Variants in TSHZ2 observed in about 807,000 individuals in gnomAD.
The protein encoded by TSHZ2 is teashirt zinc finger homeobox 2, also known as teashirt homolog 2.
Under a neutral mutation model 74.4 loss-of-function variants are expected in TSHZ2, and 21 were observed. That is an observed-to-expected ratio of 0.28 (90% CI 0.20 to 0.41). TSHZ2 has a LOEUF of 0.41. TSHZ2 is among the 10% of genes least tolerant of loss of function. The pLI is 1.00. For synonymous variants in TSHZ2, 540 were observed against 515.3 expected (o/e 1.05, Z -0.65); for missense variants, 1,244 against 1,293.5 (o/e 0.96, Z 0.59).
intron 1 of TSHZ2, chr20:53,178,810 C>T (rs1331591575): frequency 2.6e-5 from 4 of 152,178 alleles, no homozygotes; most frequent in Non-Finnish European, 2.9e-5. Flanking sequence ...GTCATAGCAT[C>T]GCCAAATGAT....
At chr20:53,069,152 T>G (rs993937188) in intron 1 of TSHZ2, among the ~76,000 whole-genome samples, 5 of 152,176 alleles carry the variant, frequency 3.3e-5, no homozygotes, top group African/African-American at 1.2e-4. Context: ...TGTCATTCAG[T>G]TGGGTCTGCT....
At chr20:53,001,209 T>TGC (rs1982402267) in intron 1 of TSHZ2, among the ~76,000 whole-genome samples, 1 of 102,566 alleles carries the variant, frequency 9.7e-6, no homozygotes. Context: ...CATGTGCGTG[T>TGC]GTGTGTGTGT....
chr20:53,433,572 CACAGACACACAG>C (rs1983920288), intron 2 of TSHZ2, among the ~76,000 whole-genome samples: 1 of 108,852 alleles, frequency 9.2e-6, no homozygotes, highest in South Asian at 3.5e-4. Context: ...AACACAGACA[CACAGACACACAG>C]ACACACACAC....
At chr20:53,409,696 C>T (rs900708243) in intron 2 of TSHZ2, among the ~76,000 whole-genome samples, 7 of 152,072 alleles carry the variant, frequency 4.6e-5, no homozygotes, top group Admixed American at 1.3e-4. Flanking sequence ...CTTTTGGAGT[C>T]GAGAATGGAA....
chr20:53,251,553 T>C (rs1990332134), intron 1 of TSHZ2, among the ~76,000 whole-genome samples: 2 of 152,192 alleles, frequency 1.3e-5, no homozygotes, highest in Admixed American at 1.3e-4. Context: ...ATTGAGTAGT[T>C]GTTGTTTTTT....
intron 1 of TSHZ2, among the ~76,000 whole-genome samples, chr20:53,128,190 A>G (rs1030052960): frequency 2.6e-5 from 4 of 152,200 alleles, no homozygotes; most frequent in Admixed American, 2.6e-4. Context: ...GGAAAGGGAC[A>G]GGGACTTAAA....
chr20:52,991,156 T>G (rs111759300), intron 1 of TSHZ2, among the ~76,000 whole-genome samples: 3 of 144,804 alleles, frequency 2.1e-5, no homozygotes, highest in African/African-American at 7.7e-5. Context: ...GTGGGTATTA[T>G]TGTGTGTGTT....
chr20:53,314,287 C>CAAAAAAAAAAAAAAAAAAAAAA (rs5841941), intron 2 of TSHZ2, among the ~76,000 whole-genome samples: 3 of 131,748 alleles, frequency 2.3e-5, no homozygotes, highest in Non-Finnish European at 3.2e-5. Flanking sequence ...GACTCTGTCT[C>CAAAAAAAAAAAAAAAAAAAAAA]AAAAAAAAAA....
chr20:52,975,584 T>A (rs1315170894), intron 1 of TSHZ2, among the ~76,000 whole-genome samples: 1 of 152,090 alleles, frequency 6.6e-6, no homozygotes, highest in African/African-American at 2.4e-5. Flanking sequence ...CCTATTATAT[T>A]CCTACTGTCT....
intron 2 of TSHZ2, among the ~76,000 whole-genome samples, chr20:53,450,658 G>C (rs911517825): frequency 2.0e-5 from 3 of 152,124 alleles, no homozygotes; most frequent in Admixed American, 6.5e-5. Flanking sequence ...TGAGTAGCTG[G>C]GATTACAGGC....
intron 2 of TSHZ2, among the ~76,000 whole-genome samples, chr20:53,468,688 CA>C (rs1158529552): frequency 0.018 from 1,145 of 65,372 alleles, 6 homozygotes; most frequent in African/African-American, 0.043. Flanking sequence ...CATTACGAGA[CA>C]AAAAAAAAAA....
At chr20:53,183,159 G>A (rs982543674) in intron 1 of TSHZ2, among the ~76,000 whole-genome samples, 7 of 152,170 alleles carry the variant, frequency 4.6e-5, no homozygotes, top group African/African-American at 1.7e-4. Flanking sequence ...TGAAATTAGG[G>A]CATTCTCCCA....
chr20:53,027,134 A>G (rs11906040), intron 1 of TSHZ2, among the ~76,000 whole-genome samples: 7,013 of 152,162 alleles, frequency 0.046, 357 homozygotes, highest in South Asian at 0.11. Flanking sequence ...TTGCAGCTGA[A>G]TATTTGAATA....
chr20:53,242,055 A>C (rs1023571688), intron 1 of TSHZ2, among the ~76,000 whole-genome samples: 3 of 152,174 alleles, frequency 2.0e-5, no homozygotes, highest in African/African-American at 7.2e-5. Flanking sequence ...TGCTTCATTG[A>C]CAACTAGAAA....
At chr20:53,129,312 T>C (rs1987036237) in intron 1 of TSHZ2, among the ~76,000 whole-genome samples, 1 of 152,196 alleles carries the variant, frequency 6.6e-6, no homozygotes, top group Non-Finnish European at 1.5e-5. Flanking sequence ...GATATATATA[T>C]GTATGGGGTA....
intron 1 of TSHZ2, among the ~76,000 whole-genome samples, chr20:53,033,398 T>C (rs1983707114): frequency 6.6e-6 from 1 of 152,080 alleles, no homozygotes; most frequent in East Asian, 1.9e-4. Flanking sequence ...GAGAATATTT[T>C]GGGGAAAAGC....
At chr20:53,230,452 C>A (rs987144495) in intron 1 of TSHZ2, among the ~76,000 whole-genome samples, 1 of 152,196 alleles carries the variant, frequency 6.6e-6, no homozygotes, top group Non-Finnish European at 1.5e-5. Flanking sequence ...GGCACACAGA[C>A]ATCAACTGGA....
At chr20:53,422,191 T>TA (rs1325884679) in intron 2 of TSHZ2, among the ~76,000 whole-genome samples, 1 of 152,202 alleles carries the variant, frequency 6.6e-6, no homozygotes, top group Non-Finnish European at 1.5e-5. Context: ...AAAAAGGTCA[T>TA]ATCCACAAAG....
At chr20:53,008,338 A>T (rs569985882) in intron 1 of TSHZ2, among the ~76,000 whole-genome samples, 27 of 152,314 alleles carry the variant, frequency 1.8e-4, no homozygotes, top group Admixed American at 1.5e-3. Flanking sequence ...TTCAGGAATG[A>T]CATTGGCAGA....
Sources: allele counts gnomAD v4.1 joint callset (sites outside exome capture counted in the v4.1 genomes callset), GRCh38; gene constraint gnomAD v4.1.1; transcripts MANE v1.5; gene names NCBI Gene and HGNC (gene_info 2026-07-23, HGNC 2026-07-21).